Variants in ETS2 observed in about 807,000 individuals in gnomAD.
The protein encoded by ETS2 is protein C-ets-2.
Under a neutral mutation model 54.9 loss-of-function variants are expected in ETS2, and 19 were observed. The ratio of observed to expected loss-of-function variants is 0.35; its 90% confidence interval spans 0.24 to 0.51. The LOEUF (loss-of-function observed/expected upper bound fraction) is 0.51, where lower values mean the gene tolerates loss of function less well. Among genes scored for constraint, ETS2 ranks in the 20% least tolerant of loss-of-function variants. The pLI is 0.97. For missense variants in ETS2, 417 were observed against 593.0 expected (o/e 0.70, Z 3.08); for synonymous variants, 219 against 229.3 (o/e 0.95, Z 0.41).
chr21:38,805,907 C>G (rs1327228262), upstream of ETS2: 11 of 1,235,334 alleles, frequency 8.9e-6, no homozygotes, highest in Non-Finnish European at 1.1e-5. This position sits in a 1 kb window ranked among gnomAD's most constrained non-coding sequence, Gnocchi z 5.2. Context: ...TCCTGAAGAG[C>G]GCGCCGCGTG....
chr21:38,814,249 T>C lies in ETS2; in HGVS notation c.185-24T>C. On this transcript the variant is annotated intron_variant, in intron 3 of 9. Transcript: ENST00000360938. This position sits in a 1 kb window ranked among gnomAD's most constrained non-coding sequence, Gnocchi z 4.2. ...ATATCACCAACTTGAAGTCCTAATG[T>C]CCCCATGGGGGGTTTCCTTCCAGAC... is the stretch of plus-strand genomic sequence containing the variant. The C allele has an allele frequency of 1.2e-6, 2 of 1,611,684 alleles. No homozygotes were observed. The highest frequency in any genetic ancestry group is 1.7e-6 in the Non-Finnish European group (2 of 1,178,814).
intron 6 of ETS2, 107 bp from the exon 7 acceptor site, chr21:38,818,318 C>T: frequency 6.7e-7 from 1 of 1,484,032 alleles, no homozygotes; most frequent in Non-Finnish European, 9.2e-7. Context: ...TGAGGTTCTG[C>T]AGAGGGCTGG....
chr21:38,813,070 A>G lies in ETS2; in HGVS notation c.140A>G (p.Gln47Arg). Residue 47 changes from glutamine (Q) to arginine (R), a missense_variant, in exon 3 of 10, where the codon CAA becomes CGA. Coordinates refer to ENST00000360938, the MANE Select transcript of ETS2 (RefSeq NM_005239.6). ...GTTTTTCCTTCTCTAAATGAAGAGC[A>G]AACACTGCAAGAAGTGCCAACAGGC... ...FAVFPSLNEEQTLQEVPTGLD... is the reference protein window; with the variant it reads ...FAVFPSLNEERTLQEVPTGLD... 1 of 1,614,066 alleles carries G rather than the reference A, an allele frequency of 6.2e-7. No homozygotes were observed. Among genetic ancestry groups the G allele is most frequent in the Non-Finnish European group, 8.5e-7 (1 of 1,179,874 alleles).
At chr21:38,805,406 C>G, upstream of ETS2, 1 of 1,288,760 alleles carries the variant, frequency 7.8e-7, no homozygotes, top group Non-Finnish European at 1.0e-6. This position sits in a 1 kb window ranked among gnomAD's most constrained non-coding sequence, Gnocchi z 5.2. Context: ...TCGGTGCCAC[C>G]AGCACCACTG....
chr21:38,821,668 A>T lies in ETS2; in HGVS notation c.1158A>T (p.Gly386=), dbSNP rs907537041. Residue 386 remains glycine (G), a synonymous_variant, in exon 9 of 10, where the codon GGA becomes GGT. Transcript: ENST00000360938. The surrounding 1 kb of genome is among the most constrained non-coding windows in gnomAD (Gnocchi z 4.2). ...KSCQSFISWT[G]DGWEFKLADP... is the part of the protein sequence containing the mutation. ...GCCAGTCATTCATCAGCTGGACTGGAGACGGATGGGAGTTTAAGCTCGCCG... is the reference window on the plus strand; with the variant it reads ...GCCAGTCATTCATCAGCTGGACTGGTGACGGATGGGAGTTTAAGCTCGCCG... 1 of 1,614,028 alleles carries T rather than the reference A, an allele frequency of 6.2e-7. No individual in the cohort carries two copies. Among genetic ancestry groups the T allele is most frequent in the Non-Finnish European group, 8.5e-7 (1 of 1,179,934 alleles).
rs1043589351 is a variant in ETS2 at position 38,824,320 on chromosome 21, A to G, written c.*1431A>G. 1 of 152,220 alleles carries G rather than the reference A, an allele frequency of 6.6e-6. No individual in the cohort carries two copies. Among genetic ancestry groups the G allele is most frequent in the Admixed American group, 6.5e-5 (1 of 15,282 alleles). 9.4% of individuals were successfully genotyped at this position (152,220 alleles called of 1,614,324 possible). A position where few individuals can be genotyped will look rare whatever the true frequency, so the allele number is the denominator to read the frequency against. ...CTGAGGCACAGAGCGGGGACTTAAGATGGGAAAGAGAAAGCATCGGAGCCA... is the reference window on the plus strand; with the variant it reads ...CTGAGGCACAGAGCGGGGACTTAAGGTGGGAAAGAGAAAGCATCGGAGCCA... On this transcript the variant is annotated 3_prime_UTR_variant, in exon 10 of 10. Coordinates refer to ENST00000360938, the MANE Select transcript of ETS2 (RefSeq NM_005239.6).
Position 38,823,307 on chromosome 21 carries a change from G to C in ETS2, c.*418G>C, listed in dbSNP as rs560721778. ...ACTCTTTGAGAGGGTAGGAGGGTGG[G>C]AAGGAAACAACCATGTCATTTCAGA... On this transcript the variant is annotated 3_prime_UTR_variant, in exon 10 of 10. Coordinates refer to ENST00000360938, the MANE Select transcript of ETS2 (RefSeq NM_005239.6). 2.9e-4 allele frequency: 46 copies of C among 156,264 alleles called. No homozygotes were observed. Among genetic ancestry groups the C allele is most frequent in the Non-Finnish European group, 5.9e-4 (42 of 70,660 alleles). The allele number at this position is 156,264 out of a possible 1,614,324, so 9.7% of individuals were successfully genotyped here.
chr21:38,811,472 G>C (rs574677026), intron 2 of ETS2, among the ~76,000 whole-genome samples: 8 of 152,292 alleles, frequency 5.3e-5, no homozygotes, highest in Admixed American at 1.3e-4. Flanking sequence ...TAAAAAGAAA[G>C]CGGGTAACCG....
In ETS2 at chr21:38,819,770, T is replaced by C; in HGVS notation, c.1075+4T>C. 1 of 1,610,894 alleles carries C rather than the reference T, an allele frequency of 6.2e-7. No homozygotes were observed. The highest frequency in any genetic ancestry group is 1.7e-4 in the Middle Eastern group (1 of 6,002). The stretch of plus-strand genomic sequence containing the variant: ...GCTGTGCTGGCCGGCTTCACAGGTG[T>C]GTGTGGAACTCCGAGAGCCTGGCCG... On this transcript the variant is annotated splice_donor_region_variant and intron_variant, in intron 8 of 9. Coordinates refer to ENST00000360938, the MANE Select transcript of ETS2 (RefSeq NM_005239.6).
intron 2 of ETS2, among the ~76,000 whole-genome samples, chr21:38,810,538 G>A (rs779678026): frequency 1.5e-4 from 23 of 152,336 alleles, no homozygotes; most frequent in Admixed American, 1.2e-3. Context: ...GGCAGCGCCC[G>A]TGGAATTGTA....
In ETS2 at chr21:38,822,966, G is replaced by C. The variant is rs1418841124; in HGVS notation, c.*77G>C. Reference sequence around the variant, plus strand: ...GCCCATCCTGACCAGCTGCTCCGAGGACCCAGGAAAGGCAGGATTGAAAAT... The same window carrying C: ...GCCCATCCTGACCAGCTGCTCCGAGCACCCAGGAAAGGCAGGATTGAAAAT... On this transcript the variant is annotated 3_prime_UTR_variant, in exon 10 of 10. Transcript: ENST00000360938. 1 of 1,189,474 alleles carries C rather than the reference G, an allele frequency of 8.4e-7. No homozygotes were observed. Among genetic ancestry groups the C allele is most frequent in the Non-Finnish European group, 1.1e-6 (1 of 876,398 alleles). 73.7% of individuals were successfully genotyped at this position (1,189,474 alleles called of 1,614,324 possible).
At chr21:38,815,054 G>A (rs1368518910) in intron 5 of ETS2, 73 bp downstream of exon 5, 79 of 1,469,862 alleles carry the variant, frequency 5.4e-5, no homozygotes, top group Non-Finnish European at 7.0e-5. Flanking sequence ...GGAAAGTCAC[G>A]TGGGTGTTCT....
chr21:38,817,084 T>C lies in ETS2; in HGVS notation c.582T>C (p.Asn194=). Residue 194 remains asparagine, a synonymous_variant, in exon 6 of 10, where the codon AAT becomes AAC. Coordinates refer to ENST00000360938, the MANE Select transcript of ETS2 (RefSeq NM_005239.6). Reference sequence around the variant, plus strand: ...CCGTTCCTCATTGGATTAACAGCAATACATTAGGTCAGTCCGATTGATTCT... The same window carrying C: ...CCGTTCCTCATTGGATTAACAGCAACACATTAGGTCAGTCCGATTGATTCT... The part of the protein sequence containing the change: ...LTSVPHWINS[N]TLGFGTEQAP... 6.3e-7 allele frequency: 1 copy of C among 1,595,384 alleles called. No individual in the cohort carries two copies. The highest frequency in any genetic ancestry group is 1.1e-5 in the South Asian group (1 of 90,700).
chr21:38,819,576 C>G lies in ETS2; in HGVS notation c.885C>G (p.Ser295=). ...SFESSDSLLQ[S]WNSQSSLLDV... is the part of the protein sequence containing the mutation. ...AGAGCTCAGACTCCCTCCTCCAGTC[C>G]TGGAACAGCCAGTCGTCCTTGCTGG... Residue 295 remains serine, a synonymous_variant, in exon 8 of 10, where the codon TCC becomes TCG. Transcript: ENST00000360938. The G allele has an allele frequency of 6.2e-7, 1 of 1,614,212 alleles. No homozygotes were observed. The highest frequency in any genetic ancestry group is 1.1e-5 in the South Asian group (1 of 91,088).
rs1374908354 is a variant in ETS2, at chr21:38,814,688, G to A, written c.305-93G>A. 5.2e-6 allele frequency: 6 copies of A among 1,152,934 alleles called. No homozygotes were observed. Among genetic ancestry groups the A allele is most frequent in the Middle Eastern group, 2.8e-4 (1 of 3,552 alleles). The allele number at this position is 1,152,934 out of a possible 1,614,324, so 71.4% of individuals were successfully genotyped here. A position where few individuals can be genotyped will look rare whatever the true frequency, so the allele number is the denominator to read the frequency against. ...TCATTCGTGGGTTCTGGTGTATGTC[G>A]GTACTTGGTGCATAAATTAGGGATG... is the stretch of plus-strand genomic sequence containing the variant. On this transcript the variant is annotated intron_variant, in intron 4 of 9. Transcript: ENST00000360938. The surrounding 1 kb of genome is among the most constrained non-coding windows in gnomAD (Gnocchi z 4.2).
Position 38,813,126 on chromosome 21 carries a change from C to T in ETS2, c.184+12C>T. On this transcript the variant is annotated intron_variant, in intron 3 of 9. Transcript: ENST00000360938. ...TTCCATTTCTCATGGTAATTGGTTC[C>T]TCAGACTTGACAAATTGTGCATGAT... 3 of 1,526,254 alleles carry T rather than the reference C, an allele frequency of 2.0e-6. No homozygotes were observed. The highest frequency in any genetic ancestry group is 2.7e-6 in the Non-Finnish European group (3 of 1,099,730). The allele number at this position is 1,526,254 out of a possible 1,614,324, so 94.5% of individuals were successfully genotyped here.
Position 38,822,150 on chromosome 21 carries a change from C to T in ETS2, c.1194+446C>T, listed in dbSNP as rs542855306. On this transcript the variant is annotated intron_variant, in intron 9 of 9. Transcript: ENST00000360938. ...CAGGAGCCCTGTCTAAAGGAGAAGG[C>T]CAAGGGCAGGTGGGATACCAACCCC... 3.3e-5 allele frequency among the ~76,000 whole-genome samples: 5 copies of T among 152,280 alleles called. No individual in the cohort carries two copies. The South Asian group carries it at 1.0e-3, about 32-fold the overall frequency.
At chr21:38,805,892 C>A, upstream of ETS2, 1 of 1,224,164 alleles carries the variant, frequency 8.2e-7, no homozygotes, top group Non-Finnish European at 1.0e-6. The surrounding 1 kb of genome is among the most constrained non-coding windows in gnomAD (Gnocchi z 5.2). Flanking sequence ...CCCTCCTCCT[C>A]CCGCTCCTGA....
chr21:38,811,747 C>A lies in ETS2; in HGVS notation c.73-1256C>A, dbSNP rs139691558. On this transcript the variant is annotated intron_variant, in intron 2 of 9. Transcript: ENST00000360938. ...TAAGGTTTTATCTTTCTGTGTGTCTCTTCTTTTCTGCAGATAGTTTAGTTT... is the reference window on the plus strand; with the variant it reads ...TAAGGTTTTATCTTTCTGTGTGTCTATTCTTTTCTGCAGATAGTTTAGTTT... Among the ~76,000 whole-genome samples the A allele has an allele frequency of 7.6e-3, 1,159 of 152,338 alleles. 14 individuals carry two copies. Among genetic ancestry groups the A allele is most frequent in the African/African-American group, 0.027 (1,111 of 41,576 alleles).
Sources: allele counts gnomAD v4.1 joint callset (sites outside exome capture counted in the v4.1 genomes callset), GRCh38; gene constraint gnomAD v4.1.1; non-coding constraint Gnocchi (gnomAD v3.1); transcripts MANE v1.5; gene names NCBI Gene and HGNC (gene_info 2026-07-23, HGNC 2026-07-21).